Variants in CDCA3 observed in about 807,000 individuals in gnomAD.
CDCA3 encodes cell division cycle-associated protein 3.
CDCA3 carries 16 observed loss-of-function variants against 29.1 expected under a neutral mutation model. The observed-to-expected ratio is 0.55, with a 90% confidence interval of 0.37 to 0.83. The LOEUF is 0.83. CDCA3 is among the 40% of genes least tolerant of loss of function. The pLI is 0.00. For synonymous variants in CDCA3, 88 were observed against 124.5 expected, an observed-to-expected ratio of 0.71 and a Z score of 1.95; for missense variants, 291 against 327.2, an observed-to-expected ratio of 0.89 and a Z score of 0.85.
At chr12:6,848,379 T>C (rs1448190062), downstream of CDCA3, 2 of 152,196 alleles carry the variant, frequency 1.3e-5, no homozygotes, top group Admixed American at 6.6e-5. Flanking sequence ...AAACAAAATG[T>C]GGAATCACCA....
At position 6,849,981 on chromosome 12, in the gene CDCA3, G is replaced by A. The variant is rs1943800490; in HGVS notation, c.251-123C>T. On this transcript the variant is annotated intron_variant, in intron 3 of 5. Coordinates refer to ENST00000538862, the MANE Select transcript of CDCA3 (RefSeq NM_031299.7). This position sits in a 1 kb window ranked among gnomAD's most constrained non-coding sequence, Gnocchi z 5.2. ...GAGCAAGTGGGAAGAGAGAAATCAA[G>A]GAAATCAAGGTGAAAGGGAGCAATT... 2 of 917,700 alleles carry A rather than the reference G, an allele frequency of 2.2e-6. No homozygotes were observed. The highest frequency in any genetic ancestry group is 2.3e-5 in the South Asian group (1 of 43,106). The allele number at this position is 917,700 out of a possible 1,614,324, so 56.8% of individuals were successfully genotyped here.
At chr12:6,847,619 T>C (rs1402686614), downstream of CDCA3, among the ~76,000 whole-genome samples, 1 of 152,178 alleles carries the variant, frequency 6.6e-6, no homozygotes, top group African/African-American at 2.4e-5. Context: ...CATGTGTTTG[T>C]ACGGGAGGGT....
At position 6,850,042 on chromosome 12, in the gene CDCA3, C is replaced by T. The variant is rs1383907389; in HGVS notation, c.251-184G>A. Among the ~76,000 whole-genome samples, 3 of 152,012 alleles carry T rather than the reference C, an allele frequency of 2.0e-5. No individual in the cohort carries two copies. The highest frequency in any genetic ancestry group is 2.9e-5 in the Non-Finnish European group (2 of 67,978). ...TTGAGATGGGGCTTGCTCTGTCCCCCAGGCTGGAGTGCAGTGGCGTGATCA... is the reference window on the plus strand; with the variant it reads ...TTGAGATGGGGCTTGCTCTGTCCCCTAGGCTGGAGTGCAGTGGCGTGATCA... On this transcript the variant is annotated intron_variant, in intron 3 of 5. Transcript: ENST00000538862. The surrounding 1 kb of genome is among the most constrained non-coding windows in gnomAD (Gnocchi z 4.7).
chr12:6,846,947 C>A, downstream of CDCA3: 1 of 979,412 alleles, frequency 1.0e-6, no homozygotes, highest in Non-Finnish European at 1.6e-6. Context: ...CTCAGCAGCC[C>A]CCTGCCCGAC....
Position 6,849,335 on chromosome 12 carries a change from C to G in CDCA3, c.639G>C (p.Leu213=). 1 of 1,600,882 alleles carries G rather than the reference C, an allele frequency of 6.2e-7. No individual in the cohort carries two copies. The highest frequency in any genetic ancestry group is 8.5e-7 in the Non-Finnish European group (1 of 1,173,558). Residue 213 remains leucine (L), a synonymous_variant, in exon 5 of 6, where the codon CTG becomes CTC. Coordinates refer to ENST00000538862, the MANE Select transcript of CDCA3 (RefSeq NM_031299.7). This position sits in a 1 kb window ranked among gnomAD's most constrained non-coding sequence, Gnocchi z 5.2. ...ILQDDNSPGT[L]TLRQGKRPSP... Reference sequence around the variant, plus strand: ...TCTCTTCCTTTACCTGTCGTAGTGTCAGGGTGCCAGGGGAGTTGTCATCCT... The same window carrying G: ...TCTCTTCCTTTACCTGTCGTAGTGTGAGGGTGCCAGGGGAGTTGTCATCCT...
downstream of CDCA3, chr12:6,845,745 G>T (rs782090563): frequency 6.8e-6 from 11 of 1,614,058 alleles, no homozygotes; most frequent in East Asian, 2.2e-4. Flanking sequence ...CCTACTATTC[G>T]CTGGCTACGA....
downstream of CDCA3, chr12:6,846,675 C>A (rs1274152639): frequency 4.1e-5 from 26 of 630,596 alleles, no homozygotes; most frequent in South Asian, 1.2e-4. Context: ...ACATATCCCC[C>A]CACACACCCA....
downstream of CDCA3, chr12:6,848,714 G>A (rs1359665516): frequency 9.6e-6 from 3 of 313,280 alleles, no homozygotes; most frequent in Admixed American, 9.6e-5. Flanking sequence ...GGGACACCAT[G>A]GTTAAAGGGA....
At position 6,849,266 on chromosome 12, in the gene CDCA3, T is replaced by G; in HGVS notation, c.651+57A>C. 1.9e-6 allele frequency: 3 copies of G among 1,601,912 alleles called. No homozygotes were observed. The South Asian group carries it at 3.3e-5, about 18-fold the overall frequency. On this transcript the variant is annotated intron_variant, in intron 5 of 5. Transcript: ENST00000538862. The surrounding 1 kb of genome is among the most constrained non-coding windows in gnomAD (Gnocchi z 5.2). ...AAGAGGGAAGATCTGGGTAAAAGGG[T>G]CTCCCACCCTCTACGTTGGATATCC...
At chr12:6,845,369 G>T (rs1555124380), downstream of CDCA3, 3 of 564,484 alleles carry the variant, frequency 5.3e-6, no homozygotes. Context: ...CCTGCCTGCA[G>T]CGCTGTATAG....
At position 6,849,341 on chromosome 12, in the gene CDCA3, G is replaced by A; in HGVS notation, c.633C>T (p.Gly211=). 2 of 1,602,602 alleles carry A rather than the reference G, an allele frequency of 1.2e-6. No homozygotes were observed. Among genetic ancestry groups the A allele is most frequent in the Non-Finnish European group, 1.7e-6 (2 of 1,174,448 alleles). The part of the protein sequence containing the change: ...LTILQDDNSP[G]TLTLRQGKRP... ...CCTTTACCTGTCGTAGTGTCAGGGTGCCAGGGGAGTTGTCATCCTGCAGGA... is the reference window on the plus strand; with the variant it reads ...CCTTTACCTGTCGTAGTGTCAGGGTACCAGGGGAGTTGTCATCCTGCAGGA... The change falls in exon 5 of 6, where the codon GGC becomes GGT. Residue 211 remains glycine, a synonymous_variant. Coordinates refer to ENST00000538862, the MANE Select transcript of CDCA3 (RefSeq NM_031299.7). The surrounding 1 kb of genome is among the most constrained non-coding windows in gnomAD (Gnocchi z 5.2).
intron 1 of CDCA3, 73 bp downstream of exon 1, chr12:6,851,149 C>CTTTTTTA: frequency 7.2e-7 from 1 of 1,380,578 alleles, no homozygotes; most frequent in South Asian, 1.7e-5. Context: ...ATGACTGCTG[C>CTTTTTTA]AGCTGACAAA....
At chr12:6,846,754 C>T, downstream of CDCA3, 1 of 1,224,058 alleles carries the variant, frequency 8.2e-7, no homozygotes, top group East Asian at 2.5e-5. Flanking sequence ...TCCAAATCAG[C>T]TTGGAGAGAC....
downstream of CDCA3, chr12:6,845,297 C>T (rs1290124329): frequency 5.1e-6 from 2 of 389,890 alleles, no homozygotes; most frequent in African/African-American, 4.0e-5. Flanking sequence ...CCTCCGTCCG[C>T]CCTTCTAGCC....
chr12:6,848,083 C>G (rs1555125190), downstream of CDCA3: 1 of 152,304 alleles, frequency 6.6e-6, no homozygotes, highest in African/African-American at 2.4e-5. Flanking sequence ...GGCATGGTGG[C>G]TCATGCCTGT....
chr12:6,847,063 A>G (rs1591594478), downstream of CDCA3: 4 of 592,180 alleles, frequency 6.8e-6, no homozygotes, highest in East Asian at 2.8e-5. Flanking sequence ...GGGAGGCAGC[A>G]TCAGGGACAC....
chr12:6,846,087 C>T, downstream of CDCA3: 1 of 402,236 alleles, frequency 2.5e-6, no homozygotes, highest in South Asian at 3.5e-5. Flanking sequence ...GGGTTCCTGG[C>T]ATTTCAGGGG....
chr12:6,844,877 G>T (rs1158297023), downstream of CDCA3: 1 of 152,082 alleles, frequency 6.6e-6, no homozygotes. Context: ...AGTACTTCCC[G>T]AAACAAAGCC....
chr12:6,845,771 T>C, downstream of CDCA3: 8 of 1,614,018 alleles, frequency 5.0e-6, no homozygotes, highest in Non-Finnish European at 5.1e-6. Flanking sequence ...TCAACTGCAA[T>C]GTCTGGGACT....
Sources: gnomAD v4.1 joint callset for allele counts (sites outside exome capture counted in the v4.1 genomes callset) on GRCh38, gnomAD v4.1.1 for gene constraint, Gnocchi (gnomAD v3.1) non-coding constraint, MANE v1.5 for transcripts, NCBI Gene and HGNC (gene_info 2026-07-23, HGNC 2026-07-21) for gene names.